FAM161A: variants seen among roughly 807,000 people sequenced by gnomAD.
The protein encoded by FAM161A is protein FAM161A.
In FAM161A, 57 loss-of-function variants were observed where a neutral mutation model predicts 70.9. The observed-to-expected ratio is 0.80, with a 90% CI of 0.65 to 1.00. The LOEUF (loss-of-function observed/expected upper bound fraction) is 1.00. FAM161A is among the 50% of genes least tolerant of loss of function. FAM161A has a pLI of 0.00. For synonymous variants in FAM161A, 299 were observed against 295.7 expected (o/e 1.01, Z -0.12); for missense variants, 880 against 836.0 (o/e 1.05, Z -0.65).
At chr2:61,838,458 T>A in intron 4 of FAM161A, 80 bp downstream of exon 4, 1 of 1,183,844 alleles carries the variant, frequency 8.4e-7, no homozygotes, top group Non-Finnish European at 1.2e-6. Flanking sequence ...TTCAATCTGC[T>A]CATATTTTAC....
intron 1 of FAM161A, among the ~76,000 whole-genome samples, chr2:61,850,184 G>T (rs1035241973): frequency 6.6e-6 from 1 of 152,016 alleles, no homozygotes; most frequent in Non-Finnish European, 1.5e-5. Context: ...ATCACCTGAG[G>T]TCAGGAGTTG....
intron 1 of FAM161A, among the ~76,000 whole-genome samples, chr2:61,843,411 G>T (rs975776238): frequency 6.6e-6 from 1 of 151,904 alleles, no homozygotes; most frequent in African/African-American, 2.4e-5. Context: ...ATGGGCATGA[G>T]CCACCGTGCC....
At chr2:61,803,104 T>C in the FAM161A span, 1 of 409,748 alleles carries the variant, frequency 2.4e-6, no homozygotes, top group South Asian at 2.2e-5. Flanking sequence ...ACAGTAACTA[T>C]CCTAACTAGA....
Position 61,825,859 on chromosome 2 carries a change from G to A in FAM161A, c.*596C>T, listed in dbSNP as rs541618443. 2.4e-5 allele frequency: 11 copies of A among 451,920 alleles called. No homozygotes were observed. The highest frequency in any genetic ancestry group is 8.0e-5 in the African/African-American group (4 of 49,754). 28.0% of individuals were successfully genotyped at this position (451,920 alleles called of 1,614,324 possible). ...TCATCGTGTTAGCCAGGATGGTCTC[G>A]ATCTCCTGACCTCGTGATCCACCCG... On this transcript the variant is annotated 3_prime_UTR_variant, in exon 7 of 7. Coordinates refer to ENST00000404929, the MANE Select transcript of FAM161A (RefSeq NM_001201543.2).
Position 61,839,933 on chromosome 2 carries a change from G to A in FAM161A, c.1071C>T (p.Ala357=), listed in dbSNP as rs1006799071. 1 of 1,614,212 alleles carries A rather than the reference G, an allele frequency of 6.2e-7. No homozygotes were observed. Among genetic ancestry groups the A allele is most frequent in the Non-Finnish European group, 8.5e-7 (1 of 1,180,042 alleles). ...CATAAGTAGATCGAGGAATGGGTCT[G>A]GCTTTAAATCGATTTGTTTTCTTTT... ...KYKKKTNRFK[A]RPIPRSTYGS... is the part of the protein sequence containing the mutation. The change falls in exon 3 of 7, where the codon GCC becomes GCT. Residue 357 remains alanine (A), a synonymous_variant. Coordinates refer to ENST00000404929, the MANE Select transcript of FAM161A (RefSeq NM_001201543.2).
chr2:61,829,490 G>A (rs930704323), intron 5 of FAM161A, among the ~76,000 whole-genome samples: 3 of 152,070 alleles, frequency 2.0e-5, no homozygotes, highest in African/African-American at 7.2e-5. Context: ...ATATTTTTTA[G>A]AAAAGTAAGT....
At chr2:61,822,875 C>T (rs1470883687), downstream of FAM161A, among the ~76,000 whole-genome samples, 1 of 151,928 alleles carries the variant, frequency 6.6e-6, no homozygotes, top group African/African-American at 2.4e-5. Flanking sequence ...CAGGCATGAG[C>T]CGCTGCACCC....
chr2:61,820,131 A>G, downstream of FAM161A: 1 of 464,630 alleles, frequency 2.2e-6, no homozygotes, highest in Non-Finnish European at 3.9e-6. Flanking sequence ...GCTGCATTTA[A>G]TAGACACCCA....
Position 61,836,030 on chromosome 2 carries a change from GC to G in FAM161A, c.1830del (p.Leu611TyrfsTer22), listed in dbSNP as rs1292802544. 1 of 1,605,752 alleles carries G rather than the reference GC, an allele frequency of 6.2e-7. No homozygotes were observed. Among genetic ancestry groups the G allele is most frequent in the Non-Finnish European group, 8.5e-7 (1 of 1,176,310 alleles). ...EREEKLKKRP[L>X]LFERVAQKNA... ...ACAACCTGAGCAACTCTTTCAAATA[GC>G]AGTGGCCTCTTTTTTAATTTTTCTT... On this transcript the variant is annotated frameshift_variant, in exon 5 of 7. Coordinates refer to ENST00000404929, the MANE Select transcript of FAM161A (RefSeq NM_001201543.2). LOFTEE classifies it high-confidence loss of function.
the FAM161A span, among the ~76,000 whole-genome samples, chr2:61,817,062 C>G: frequency 6.6e-6 from 1 of 152,154 alleles, no homozygotes; most frequent in Non-Finnish European, 1.5e-5. Context: ...AGAAATAAAG[C>G]TTTACCAAGA....
intron 2 of FAM161A, 65 bp downstream of exon 2, chr2:61,842,057 G>T: frequency 2.0e-6 from 2 of 1,025,608 alleles, no homozygotes; most frequent in South Asian, 1.3e-5. Flanking sequence ...AAGTAACTTT[G>T]TTCTGTCCTT....
the FAM161A span, among the ~76,000 whole-genome samples, chr2:61,809,208 C>T: frequency 7.2e-5 from 11 of 152,134 alleles, no homozygotes; most frequent in East Asian, 1.9e-4. Flanking sequence ...CCTTGGCCCC[C>T]GGACACCACT....
At chr2:61,842,420 C>A in intron 1 of FAM161A, 60 bp from the exon 2 acceptor site, 1 of 1,046,302 alleles carries the variant, frequency 9.6e-7, no homozygotes, top group Non-Finnish European at 1.4e-6. Context: ...ATTAAGCTGA[C>A]ACTGATCCAA....
intron 1 of FAM161A, chr2:61,846,911 T>A (rs1352098466): frequency 4.4e-6 from 2 of 454,792 alleles, no homozygotes; most frequent in Non-Finnish European, 8.8e-6. Context: ...CCAGGCACAG[T>A]GGTTCATGCC....
the FAM161A span, among the ~76,000 whole-genome samples, chr2:61,800,407 C>T: frequency 2.0e-5 from 3 of 152,188 alleles, no homozygotes; most frequent in African/African-American, 7.2e-5. Context: ...GGTGGGCAGG[C>T]CAGGCTGCTG....
the FAM161A span, among the ~76,000 whole-genome samples, chr2:61,806,263 G>A: frequency 6.6e-6 from 1 of 152,146 alleles, no homozygotes; most frequent in African/African-American, 2.4e-5. Context: ...TGGAAGGATG[G>A]TTAGAACCAT....
At chr2:61,851,137 G>A (rs938400135) in intron 1 of FAM161A, among the ~76,000 whole-genome samples, 1 of 152,032 alleles carries the variant, frequency 6.6e-6, no homozygotes, top group African/African-American at 2.4e-5. Flanking sequence ...GCCTCCCAAA[G>A]TGATGGGATT....
chr2:61,851,902 A>G (rs1673511255), intron 1 of FAM161A, among the ~76,000 whole-genome samples: 1 of 152,166 alleles, frequency 6.6e-6, no homozygotes, highest in Non-Finnish European at 1.5e-5. Context: ...TCTCAAATCA[A>G]TCTTGTGGGT....
At chr2:61,847,532 A>G (rs1418977793) in intron 1 of FAM161A, among the ~76,000 whole-genome samples, 1 of 152,174 alleles carries the variant, frequency 6.6e-6, no homozygotes, top group East Asian at 1.9e-4. Flanking sequence ...GCACTTTGGG[A>G]GGCTGGGGCA....
Sources: gnomAD v4.1 joint callset for allele counts (sites outside exome capture counted in the v4.1 genomes callset) on GRCh38, gnomAD v4.1.1 for gene constraint, MANE v1.5 for transcripts, NCBI Gene and HGNC (gene_info 2026-07-23, HGNC 2026-07-21) for gene names.